Variants in ZMAT4 observed in about 807,000 individuals in gnomAD.
ZMAT4 encodes zinc finger matrin-type protein 4.
ZMAT4 carries 17 observed loss-of-function variants against 28.7 expected under a neutral mutation model. The ratio of observed to expected loss-of-function variants is 0.59; its 90% CI spans 0.41 to 0.89. ZMAT4 has a LOEUF of 0.89. ZMAT4 is among the 40% of genes least tolerant of loss of function. The pLI is 0.00. For missense variants in ZMAT4, 240 were observed against 283.8 expected, an observed-to-expected ratio of 0.85 and a Z score of 1.11; for synonymous variants, 117 against 109.2, an observed-to-expected ratio of 1.07 and a Z score of -0.44.
intron 6 of ZMAT4, among the ~76,000 whole-genome samples, chr8:40,579,515 G>A (rs28379834): frequency 6.6e-5 from 10 of 152,076 alleles, no homozygotes; most frequent in Non-Finnish European, 1.0e-4. Context: ...TCCTCTGGGC[G>A]GACCAGAGTA....
chr8:40,623,280 T>A (rs1806262668), intron 5 of ZMAT4, among the ~76,000 whole-genome samples: 1 of 152,324 alleles, frequency 6.6e-6, no homozygotes, highest in Non-Finnish European at 1.5e-5. Flanking sequence ...ACTAGGATGA[T>A]GTGGTGTAGA....
rs59192997 is a variant in ZMAT4, at chr8:40,745,645, C to T, written c.192+21996G>A. 9.9e-3 allele frequency among the ~76,000 whole-genome samples: 1,501 copies of T among 152,206 alleles called. 22 individuals are homozygous for T. Among genetic ancestry groups the T allele is most frequent in the African/African-American group, 0.033 (1,381 of 41,530 alleles). ...AGAGAGAATAAGTGCCGAAAGAGGA[C>T]GGCAGATGGCACATTCCTTAACTTA... On this transcript the variant is annotated intron_variant, in intron 3 of 6. Transcript: ENST00000297737.
chr8:40,702,424 T>G (rs183241433), intron 3 of ZMAT4, among the ~76,000 whole-genome samples: 1 of 152,188 alleles, frequency 6.6e-6, no homozygotes, highest in African/African-American at 2.4e-5. Context: ...AGTCAGACTG[T>G]TTAAATGCAA....
intron 3 of ZMAT4, among the ~76,000 whole-genome samples, chr8:40,704,132 T>C (rs1810256814): frequency 1.3e-5 from 2 of 152,354 alleles, no homozygotes; most frequent in South Asian, 4.1e-4. Context: ...GCACATACCC[T>C]GTAGTAAGAT....
At position 40,830,119 on chromosome 8, in the gene ZMAT4, T is replaced by C. The variant is rs568866226; in HGVS notation, c.-4-4439A>G. Among the ~76,000 whole-genome samples, 165 of 152,202 alleles carry C rather than the reference T, an allele frequency of 1.1e-3. 1 individual carries two copies. Among genetic ancestry groups the C allele is most frequent in the African/African-American group, 3.9e-3 (161 of 41,524 alleles). ...CTTCTTTCTGCTTCTCAAGAACAGATTGAAGGAATGAATGCAGGCTAAAAT... is the reference window on the plus strand; with the variant it reads ...CTTCTTTCTGCTTCTCAAGAACAGACTGAAGGAATGAATGCAGGCTAAAAT... On this transcript the variant is annotated intron_variant, in intron 1 of 6. Transcript: ENST00000297737.
intron 2 of ZMAT4, among the ~76,000 whole-genome samples, chr8:40,799,108 T>TAGAG (rs750242558): frequency 6.0e-5 from 9 of 148,798 alleles, no homozygotes; most frequent in Middle Eastern, 3.2e-3. Flanking sequence ...GATGGATTAA[T>TAGAG]AGAGAGAGAG....
intron 5 of ZMAT4, among the ~76,000 whole-genome samples, chr8:40,668,589 T>C (rs1423879562): frequency 6.6e-6 from 1 of 151,660 alleles, no homozygotes; most frequent in African/African-American, 2.4e-5. Context: ...TAAGGACACT[T>C]ATTAGTAAGG....
chr8:40,642,515 A>T (rs1807083602), intron 5 of ZMAT4, among the ~76,000 whole-genome samples: 1 of 152,246 alleles, frequency 6.6e-6, no homozygotes, highest in South Asian at 2.1e-4. Context: ...AAATAGGGTC[A>T]TCCCTTTAAG....
intron 6 of ZMAT4, among the ~76,000 whole-genome samples, chr8:40,553,987 C>A (rs1296907650): frequency 6.6e-6 from 1 of 152,120 alleles, no homozygotes; most frequent in Non-Finnish European, 1.5e-5. Flanking sequence ...TTAACAAGAG[C>A]ATTTTCATGG....
At chr8:40,735,533 T>G (rs1811728014) in intron 3 of ZMAT4, among the ~76,000 whole-genome samples, 2 of 152,126 alleles carry the variant, frequency 1.3e-5, no homozygotes, top group South Asian at 4.1e-4. Context: ...ATTACTAAAA[T>G]AAAGGATATG....
chr8:40,674,872 G>C lies in ZMAT4; in HGVS notation c.409C>G (p.Pro137Ala). ...RMDTAPVVAS[P>A]YQRRDSDRYC... ...CTGTCTGAATCTCTTCTTTGATAGG[G>C]AGATGCGACCACCGGAGCAGTGTCC... Residue 137 changes from proline to alanine, a missense_variant, in exon 5 of 7, where the codon CCC becomes GCC. Physicochemically the swap from Pro to Ala is conservative, Grantham distance 27. Coordinates refer to ENST00000297737, the MANE Select transcript of ZMAT4 (RefSeq NM_024645.3). The C allele has an allele frequency of 6.2e-7, 1 of 1,613,514 alleles. No homozygotes were observed.
At chr8:40,740,357 T>C (rs1319713856) in intron 3 of ZMAT4, among the ~76,000 whole-genome samples, 4 of 152,236 alleles carry the variant, frequency 2.6e-5, no homozygotes, top group Admixed American at 2.0e-4. Context: ...TGGTATCTCA[T>C]TGTGGTTTTG....
intron 3 of ZMAT4, among the ~76,000 whole-genome samples, chr8:40,727,194 C>A (rs1209175404): frequency 1.3e-5 from 2 of 152,100 alleles, no homozygotes; most frequent in African/African-American, 4.8e-5. Flanking sequence ...CTTTGGCCTG[C>A]CTGGTTTGTG....
chr8:40,853,627 CTTTG>C (rs555073861), intron 1 of ZMAT4, among the ~76,000 whole-genome samples: 28 of 152,200 alleles, frequency 1.8e-4, no homozygotes, highest in African/African-American at 3.1e-4. Flanking sequence ...AACTGGCAGT[CTTTG>C]TTTGTTTTTG....
At chr8:40,880,165 C>T (rs1463151028) in intron 1 of ZMAT4, among the ~76,000 whole-genome samples, 1 of 152,090 alleles carries the variant, frequency 6.6e-6, no homozygotes, top group African/African-American at 2.4e-5. Flanking sequence ...GTCAGGAGTT[C>T]AAGACCAGCC....
At chr8:40,882,708 A>C (rs896800780) in intron 1 of ZMAT4, among the ~76,000 whole-genome samples, 74 of 152,210 alleles carry the variant, frequency 4.9e-4, no homozygotes, top group African/African-American at 1.6e-3. Flanking sequence ...CACTCCATCT[A>C]ATCCCCCCCC....
chr8:40,592,905 C>A (rs1180144434), intron 5 of ZMAT4, among the ~76,000 whole-genome samples: 1 of 152,142 alleles, frequency 6.6e-6, no homozygotes, highest in Non-Finnish European at 1.5e-5. Context: ...AGGAATTAAG[C>A]TGTTTTTTTG....
intron 5 of ZMAT4, among the ~76,000 whole-genome samples, chr8:40,645,797 T>G (rs367616733): frequency 6.6e-6 from 1 of 152,128 alleles, no homozygotes; most frequent in South Asian, 2.1e-4. Context: ...CAAAATTATC[T>G]TTGAATAAAC....
intron 1 of ZMAT4, among the ~76,000 whole-genome samples, chr8:40,853,631 G>T (rs1042929855): frequency 2.6e-5 from 4 of 152,080 alleles, no homozygotes; most frequent in African/African-American, 9.7e-5. Flanking sequence ...GGCAGTCTTT[G>T]TTTGTTTTTG....
Sources: allele counts gnomAD v4.1 joint callset (sites outside exome capture counted in the v4.1 genomes callset), GRCh38; gene constraint gnomAD v4.1.1; transcripts MANE v1.5; gene names NCBI Gene and HGNC (gene_info 2026-07-23, HGNC 2026-07-21).